The following LPXN variants were observed in gnomAD, a reference collection of about 807,000 sequenced individuals.
LPXN encodes leupaxin.
Under a neutral mutation model 45.6 loss-of-function variants are expected in LPXN, and 28 were observed. That is an observed-to-expected ratio of 0.61 (90% confidence interval 0.45 to 0.84). The LOEUF (loss-of-function observed/expected upper bound fraction) is 0.84, where lower values mean the gene tolerates loss of function less well. Ranked by LOEUF, LPXN falls within the 40% of genes least tolerant of loss-of-function variation. LPXN has a pLI of 0.00. For synonymous variants in LPXN, 166 were observed against 169.9 expected, an observed-to-expected ratio of 0.98 and a Z score of 0.18; for missense variants, 459 against 475.0, an observed-to-expected ratio of 0.97 and a Z score of 0.31.
chr11:58,550,030 G>C lies in LPXN; in HGVS notation c.603C>G (p.Asn201Lys), dbSNP rs199902046. The C allele has an allele frequency of 2.2e-5, 35 of 1,614,122 alleles. No homozygotes were observed. The Middle Eastern group carries it at 1.6e-3, about 76-fold the overall frequency. The change falls in exon 6 of 9, where the codon AAC becomes AAG. Residue 201 changes from asparagine (N) to lysine (K), a missense_variant. Coordinates refer to ENST00000395074, the MANE Select transcript of LPXN (RefSeq NM_004811.3). ...GTGGAGAAAAAAGTTGGTGGTAGTC[G>C]TTGGGGCAGTAGGCCAAGCCACTCC... ...FERSGLAYCP[N>K]DYHQLFSPRC...
At chr11:58,557,376 G>A (rs1854236102) in intron 3 of LPXN, among the ~76,000 whole-genome samples, 2 of 152,102 alleles carry the variant, frequency 1.3e-5, no homozygotes, top group South Asian at 2.1e-4. Context: ...GAATATTAGT[G>A]AGCCTTAAAA....
At chr11:58,553,617 T>C (rs1023365760) in intron 4 of LPXN, among the ~76,000 whole-genome samples, 5 of 152,284 alleles carry the variant, frequency 3.3e-5, no homozygotes, top group East Asian at 3.9e-4. Context: ...GTGCTGAGCA[T>C]TGGGAGTCCC....
intron 2 of LPXN, among the ~76,000 whole-genome samples, chr11:58,569,190 T>C (rs1304548266): frequency 6.6e-6 from 1 of 152,204 alleles, no homozygotes; most frequent in African/African-American, 2.4e-5. Context: ...AATCAAAATA[T>C]CATAGTACAA....
At chr11:58,541,062 G>A (rs928656146) in intron 7 of LPXN, among the ~76,000 whole-genome samples, 6 of 152,052 alleles carry the variant, frequency 3.9e-5, no homozygotes, top group Admixed American at 3.9e-4. Flanking sequence ...AGACTTACAT[G>A]TTAGACCTAA....
chr11:58,562,941 G>A (rs939945116), intron 3 of LPXN, among the ~76,000 whole-genome samples: 2 of 152,124 alleles, frequency 1.3e-5, no homozygotes, highest in African/African-American at 4.8e-5. Context: ...AGCTCCCCTG[G>A]AATACAGAGC....
chr11:58,568,252 C>T (rs1029796718), intron 2 of LPXN, among the ~76,000 whole-genome samples: 5 of 152,152 alleles, frequency 3.3e-5, no homozygotes, highest in African/African-American at 1.2e-4. Context: ...TTCATCTGAA[C>T]AGAATCAAGA....
chr11:58,562,215 A>G (rs1416867886), intron 3 of LPXN, among the ~76,000 whole-genome samples: 1 of 152,250 alleles, frequency 6.6e-6, no homozygotes, highest in Admixed American at 6.5e-5. Context: ...CTATTGATAT[A>G]TAACTATACT....
intron 3 of LPXN, among the ~76,000 whole-genome samples, chr11:58,561,332 C>T (rs760139661): frequency 1.3e-5 from 2 of 152,146 alleles, no homozygotes; most frequent in Non-Finnish European, 2.9e-5. Flanking sequence ...TACGACATAT[C>T]TCATGTCCAC....
chr11:58,564,034 G>A (rs1023403713), intron 3 of LPXN, 121 bp downstream of exon 3: 5 of 636,780 alleles, frequency 7.9e-6, no homozygotes, highest in African/African-American at 7.5e-5. Flanking sequence ...ATGGAAAGAG[G>A]AGGATGATAT....
upstream of LPXN, chr11:58,578,264 A>T: frequency 1.9e-6 from 1 of 527,696 alleles, no homozygotes; most frequent in Non-Finnish European, 3.3e-6. Context: ...GCCTCCCGAA[A>T]AAAAGGTAAA....
At chr11:58,565,691 A>G (rs1040321482) in intron 2 of LPXN, among the ~76,000 whole-genome samples, 4 of 151,790 alleles carry the variant, frequency 2.6e-5, no homozygotes, top group Non-Finnish European at 4.4e-5. Context: ...AGCAACTTTA[A>G]AAAAATATTG....
chr11:58,557,423 T>G (rs746791563), intron 3 of LPXN, among the ~76,000 whole-genome samples: 7 of 152,190 alleles, frequency 4.6e-5, no homozygotes, highest in Non-Finnish European at 8.8e-5. Context: ...CATTGATGAA[T>G]TGGAAGGACA....
intron 7 of LPXN, among the ~76,000 whole-genome samples, chr11:58,549,523 A>C (rs1853975399): frequency 6.6e-6 from 1 of 152,244 alleles, no homozygotes; most frequent in Admixed American, 6.5e-5. Context: ...AATATTCAAC[A>C]AGAAAAGGCT....
At chr11:58,529,069 T>C (rs1233377403) in intron 7 of LPXN, among the ~76,000 whole-genome samples, 1 of 152,200 alleles carries the variant, frequency 6.6e-6, no homozygotes, top group Non-Finnish European at 1.5e-5. Context: ...TTGCATTTCA[T>C]ATCTTGTCAT....
intron 2 of LPXN, among the ~76,000 whole-genome samples, chr11:58,565,381 A>G (rs572239710): frequency 2.0e-5 from 3 of 152,114 alleles, no homozygotes; most frequent in African/African-American, 7.2e-5. Context: ...AAACTATAAA[A>G]ATTTAGCTGG....
Position 58,528,203 on chromosome 11 carries a change from A to C in LPXN, c.743-12T>G, listed in dbSNP as rs758495596. Reference sequence around the variant, plus strand: ...CTTCTCATGAAAGCCTGGAGAGATAAAATCAGGAATTCACTGTTGCAGGTT... The same window carrying C: ...CTTCTCATGAAAGCCTGGAGAGATACAATCAGGAATTCACTGTTGCAGGTT... On this transcript the variant is annotated splice_polypyrimidine_tract_variant and intron_variant, in intron 7 of 8. Transcript: ENST00000395074. The C allele has an allele frequency of 6.2e-7, 1 of 1,611,964 alleles. No individual in the cohort carries two copies. Among genetic ancestry groups the C allele is most frequent in the Non-Finnish European group, 8.5e-7 (1 of 1,178,340 alleles).
upstream of LPXN, among the ~76,000 whole-genome samples, chr11:58,578,842 AG>A (rs977722119): frequency 1.3e-5 from 2 of 150,846 alleles, no homozygotes; most frequent in Non-Finnish European, 3.0e-5. Context: ...TGAAGTCTGG[AG>A]GGGGGAAAAA....
intron 7 of LPXN, among the ~76,000 whole-genome samples, chr11:58,536,390 C>A (rs1402373140): frequency 6.6e-6 from 1 of 152,098 alleles, no homozygotes; most frequent in East Asian, 1.9e-4. Flanking sequence ...ACAAACTTGA[C>A]AAAAACAAGC....
chr11:58,569,471 C>T (rs1340639032), intron 2 of LPXN, among the ~76,000 whole-genome samples: 1 of 151,930 alleles, frequency 6.6e-6, no homozygotes, highest in African/African-American at 2.4e-5. Flanking sequence ...TCACTGCAGC[C>T]TCGACCACCT....
Sources: allele counts gnomAD v4.1 joint callset (sites outside exome capture counted in the v4.1 genomes callset), GRCh38; gene constraint gnomAD v4.1.1; transcripts MANE v1.5; gene names NCBI Gene and HGNC (gene_info 2026-07-23, HGNC 2026-07-21).